The following CORO2A variants were observed in gnomAD, a reference collection of about 807,000 sequenced individuals.
CORO2A encodes coronin 2A, also known as coronin-2A.
Under a neutral mutation model 62.4 loss-of-function variants are expected in CORO2A, and 47 were observed. The ratio of observed to expected loss-of-function variants is 0.75; its 90% CI spans 0.60 to 0.96. The LOEUF is 0.96. CORO2A is among the 40% of genes least tolerant of loss of function. The pLI is 0.00. For synonymous variants in CORO2A, 273 were observed against 268.9 expected, an observed-to-expected ratio of 1.02 and a Z score of -0.15; for missense variants, 610 against 684.1, an observed-to-expected ratio of 0.89 and a Z score of 1.21.
intron 2 of CORO2A, among the ~76,000 whole-genome samples, chr9:98,146,235 G>A (rs1416761028): frequency 6.6e-6 from 1 of 152,182 alleles, no homozygotes; most frequent in Non-Finnish European, 1.5e-5. Context: ...CCTCCCTGGA[G>A]TGACTCTGTG....
chr9:98,159,763 G>A (rs1807889598), intron 1 of CORO2A, among the ~76,000 whole-genome samples: 1 of 151,978 alleles, frequency 6.6e-6, no homozygotes, highest in African/African-American at 2.4e-5. Context: ...TTGGGGTTCA[G>A]GGTCAGTTCT....
chr9:98,177,005 G>C (rs79283988), intron 1 of CORO2A, among the ~76,000 whole-genome samples: 1 of 152,310 alleles, frequency 6.6e-6, no homozygotes, highest in African/African-American at 2.4e-5. Flanking sequence ...GTGGAAACTC[G>C]TTTGTGGAGG....
intron 1 of CORO2A, among the ~76,000 whole-genome samples, chr9:98,178,028 C>A (rs866879803): frequency 6.6e-6 from 1 of 151,896 alleles, no homozygotes; most frequent in African/African-American, 2.4e-5. Context: ...CACTTTTTTT[C>A]TTTTTTAAAT....
chr9:98,124,530 A>C lies in CORO2A; in HGVS notation c.*244T>G. ...AGTTACAGCTCATCATGGGCCCTTA[A>C]TAACAGAATTCAACAGAAGGCATCA... On this transcript the variant is annotated 3_prime_UTR_variant, in exon 12 of 12. Coordinates refer to ENST00000375077, the MANE Select transcript of CORO2A (RefSeq NM_052820.4). 2.8e-6 allele frequency: 1 copy of C among 361,148 alleles called. No homozygotes were observed. The highest frequency in any genetic ancestry group is 5.0e-6 in the Non-Finnish European group (1 of 199,674). The allele number at this position is 361,148 out of a possible 1,614,324, so 22.4% of individuals were successfully genotyped here.
chr9:98,135,722 A>G (rs531667687), intron 3 of CORO2A, among the ~76,000 whole-genome samples: 140 of 152,270 alleles, frequency 9.2e-4, no homozygotes, highest in African/African-American at 3.3e-3. Context: ...GATTGTATGC[A>G]CTGTTTCCCT....
chr9:98,124,885 C>A lies in CORO2A; in HGVS notation c.1467G>T (p.Arg489=), dbSNP rs1477475547. 1.9e-6 allele frequency: 3 copies of A among 1,572,718 alleles called. No homozygotes were observed. In the South Asian group the frequency reaches 3.5e-5, roughly 18 times the overall value. The change falls in exon 12 of 12, where the codon CGG becomes CGT. Residue 489 remains arginine, a synonymous_variant. Coordinates refer to ENST00000375077, the MANE Select transcript of CORO2A (RefSeq NM_052820.4). The part of the protein sequence containing the change: ...TENELLQMFY[R]QQEEIRRLRE... ...GGAGCCTTCGGATCTCCTCCTGTTG[C>A]CGGTAGAACATCTGCAGCAACTGGG...
intron 1 of CORO2A, 132 bp from the exon 2 acceptor site, chr9:98,157,792 A>G: frequency 1.3e-6 from 1 of 748,212 alleles, no homozygotes; most frequent in Non-Finnish European, 2.2e-6. Flanking sequence ...ACGGTGATGC[A>G]CTGTGAAGGG....
intron 1 of CORO2A, among the ~76,000 whole-genome samples, chr9:98,189,737 C>T (rs181753902): frequency 1.3e-5 from 2 of 152,276 alleles, no homozygotes; most frequent in Admixed American, 1.3e-4. Flanking sequence ...GTCTCATGGT[C>T]TTTCTTCTGG....
intron 11 of CORO2A, among the ~76,000 whole-genome samples, chr9:98,125,987 G>A (rs1364655578): frequency 1.3e-5 from 2 of 151,008 alleles, no homozygotes; most frequent in African/African-American, 4.9e-5. Context: ...CAAAGTGCTG[G>A]GATTACAGGT....
intron 1 of CORO2A, among the ~76,000 whole-genome samples, chr9:98,172,240 C>T (rs1198173334): frequency 6.7e-6 from 1 of 148,288 alleles, no homozygotes; most frequent in Admixed American, 6.7e-5. Flanking sequence ...AGCTCAGCCC[C>T]ACGCCCTACT....
chr9:98,168,100 G>C (rs963969173), intron 1 of CORO2A, among the ~76,000 whole-genome samples: 3 of 152,190 alleles, frequency 2.0e-5, no homozygotes, highest in Admixed American at 2.0e-4. Context: ...GTCCCACAAG[G>C]CTTCTAAATT....
intron 1 of CORO2A, among the ~76,000 whole-genome samples, chr9:98,165,603 T>C (rs1827948840): frequency 6.6e-6 from 1 of 152,198 alleles, no homozygotes; most frequent in South Asian, 2.1e-4. Context: ...TGGTGTGACC[T>C]TGAGGGACTG....
chr9:98,148,428 T>C (rs1827674972), intron 2 of CORO2A, among the ~76,000 whole-genome samples: 1 of 140,186 alleles, frequency 7.1e-6, no homozygotes, highest in African/African-American at 2.6e-5. Flanking sequence ...AATAAATAAA[T>C]AAAAATTTAA....
intron 1 of CORO2A, among the ~76,000 whole-genome samples, chr9:98,171,777 T>C (rs954280547): frequency 1.3e-5 from 2 of 151,554 alleles, no homozygotes; most frequent in African/African-American, 4.9e-5. Context: ...GGAGGCTGGG[T>C]CTGAGCAAAT....
intron 11 of CORO2A, among the ~76,000 whole-genome samples, chr9:98,125,847 AGCTGGGACTACAG>A (rs1490383888): frequency 1.3e-5 from 2 of 149,468 alleles, no homozygotes; most frequent in African/African-American, 5.0e-5. Flanking sequence ...CCTCCAGAGT[AGCTGGGACTACAG>A]GCACGCACCA....
chr9:98,149,889 A>T lies in CORO2A; in HGVS notation c.201+7571T>A, dbSNP rs565231707. Among the ~76,000 whole-genome samples the T allele has an allele frequency of 9.2e-5, 14 of 152,086 alleles. No individual in the cohort carries two copies. The South Asian group carries it at 2.1e-3, about 23-fold the overall frequency. The stretch of plus-strand genomic sequence containing the variant: ...AAGCCCAAAGAGAATCACACATTTT[A>T]TCTAGGATCAGGCTGTGTAGGACAA... On this transcript the variant is annotated intron_variant, in intron 2 of 11. Coordinates refer to ENST00000375077, the MANE Select transcript of CORO2A (RefSeq NM_052820.4).
At chr9:98,165,002 T>G (rs1227764551) in intron 1 of CORO2A, among the ~76,000 whole-genome samples, 1 of 152,086 alleles carries the variant, frequency 6.6e-6, no homozygotes, top group African/African-American at 2.4e-5. Context: ...AGGGCCTCAC[T>G]TTGCTACCCA....
At chr9:98,137,512 C>T (rs1241868698) in intron 3 of CORO2A, 60 bp downstream of exon 3, 2 of 1,409,834 alleles carry the variant, frequency 1.4e-6, no homozygotes, top group Non-Finnish European at 2.0e-6. Flanking sequence ...TACCATTCCA[C>T]CCCAACCACC....
intron 11 of CORO2A, among the ~76,000 whole-genome samples, chr9:98,125,807 T>C (rs969551223): frequency 7.2e-6 from 1 of 139,580 alleles, no homozygotes; most frequent in Non-Finnish European, 1.5e-5. Context: ...AGCCTCTGCC[T>C]CCTGGGTTCA....
Sources: allele counts gnomAD v4.1 joint callset (sites outside exome capture counted in the v4.1 genomes callset), GRCh38; gene constraint gnomAD v4.1.1; transcripts MANE v1.5; gene names NCBI Gene and HGNC (gene_info 2026-07-23, HGNC 2026-07-21).